Variants in RYR2 observed in about 807,000 individuals in gnomAD.
The protein encoded by RYR2 is ryanodine receptor 2.
RYR2 carries 227 observed loss-of-function variants against 601.1 expected under a neutral mutation model. The observed-to-expected ratio is 0.38, with a 90% confidence interval of 0.34 to 0.42. RYR2 has a LOEUF of 0.42. RYR2 is among the 10% of genes least tolerant of loss of function. The probability of loss-of-function intolerance (pLI) is 1.00; values close to 1 mark genes in which losing one functional copy is unlikely to be tolerated. For synonymous variants in RYR2, 2,223 were observed against 2,175.1 expected (o/e 1.02, Z -0.61); for missense variants, 4,646 against 6,156.5 (o/e 0.75, Z 8.21).
intron 1 of RYR2, among the ~76,000 whole-genome samples, chr1:237,137,016 C>CAAA (rs1167110660): frequency 4.2e-4 from 17 of 40,922 alleles, no homozygotes; most frequent in African/African-American, 5.6e-4. Flanking sequence ...GACTCCATCT[C>CAAA]AAAAAAAAAA....
At chr1:237,072,929 C>G (rs570373610) in intron 1 of RYR2, among the ~76,000 whole-genome samples, 2 of 125,362 alleles carry the variant, frequency 1.6e-5, no homozygotes, top group South Asian at 5.5e-4. Context: ...GCACGGGCGA[C>G]AGAGCGAGAC....
chr1:237,709,054 C>T lies in RYR2; in HGVS notation c.10098C>T (p.Leu3366=), dbSNP rs887367372. The T allele has an allele frequency of 1.9e-6, 3 of 1,607,836 alleles. No homozygotes were observed. Among genetic ancestry groups the T allele is most frequent in the Non-Finnish European group, 2.6e-6 (3 of 1,175,488 alleles). ...AGTTCACCACACTGGCCAGAGATCT[C>T]TATGCCTTCTACCCTCTCTTGATTA... ...LDEFTTLARD[L]YAFYPLLIRF... Residue 3366 remains leucine, a synonymous_variant, in exon 69 of 105, where the codon CTC becomes CTT. Coordinates refer to ENST00000366574, the MANE Select transcript of RYR2 (RefSeq NM_001035.3).
chr1:237,413,676 T>C (rs1704658749), intron 10 of RYR2, among the ~76,000 whole-genome samples: 1 of 152,148 alleles, frequency 6.6e-6, no homozygotes, highest in Admixed American at 6.5e-5. Context: ...TGTTCACATA[T>C]GTACATATAT....
chr1:237,763,757 C>G (rs1009949281), intron 84 of RYR2, among the ~76,000 whole-genome samples: 15 of 152,210 alleles, frequency 9.9e-5, no homozygotes, highest in African/African-American at 3.6e-4. Flanking sequence ...AAGGGCCACT[C>G]ATTAGCTCTA....
chr1:237,143,216 A>G (rs1197564437), intron 1 of RYR2, among the ~76,000 whole-genome samples: 1 of 152,212 alleles, frequency 6.6e-6, no homozygotes, highest in Non-Finnish European at 1.5e-5. Context: ...AAATTGAGTC[A>G]TTCCTTGAAA....
At chr1:237,284,080 T>G (rs1015209065) in intron 2 of RYR2, among the ~76,000 whole-genome samples, 16 of 152,270 alleles carry the variant, frequency 1.1e-4, no homozygotes, top group African/African-American at 1.9e-4. Flanking sequence ...TTACTTCACT[T>G]AGAATAATAG....
At chr1:237,558,062 A>C (rs1671082022) in intron 27 of RYR2, among the ~76,000 whole-genome samples, 1 of 152,216 alleles carries the variant, frequency 6.6e-6, no homozygotes. Context: ...TTGAAAGTAC[A>C]GTAAGAGGAG....
chr1:237,761,729 G>T (rs977026498), intron 84 of RYR2, among the ~76,000 whole-genome samples: 2 of 152,100 alleles, frequency 1.3e-5, no homozygotes, highest in African/African-American at 2.4e-5. Context: ...AAAATCTTCA[G>T]TAGTTTTTGG....
At chr1:237,759,962 C>G in intron 83 of RYR2, 110 bp downstream of exon 83, 1 of 735,852 alleles carries the variant, frequency 1.4e-6, no homozygotes, top group East Asian at 2.5e-5. Flanking sequence ...TAATGATTAA[C>G]AACACTTTAA....
At chr1:237,250,787 G>T (rs1687382928) in intron 1 of RYR2, among the ~76,000 whole-genome samples, 2 of 152,044 alleles carry the variant, frequency 1.3e-5, no homozygotes, top group African/African-American at 2.4e-5. Context: ...CTTCTTATTT[G>T]ATCTTTTCAG....
At chr1:237,367,082 GTTTTTGTT>G (rs2149741243) in intron 5 of RYR2, among the ~76,000 whole-genome samples, 1 of 146,846 alleles carries the variant, frequency 6.8e-6, no homozygotes, top group South Asian at 2.1e-4. Flanking sequence ...GTTTTGTTTT[GTTTTTGTT>G]TTTTTGTTTG....
At position 237,819,303 on chromosome 1, in the gene RYR2, A is replaced by G; in HGVS notation, c.14590+111A>G. 1 of 1,033,316 alleles carries G rather than the reference A, an allele frequency of 9.7e-7. No individual in the cohort carries two copies. Among genetic ancestry groups the G allele is most frequent in the Non-Finnish European group, 1.4e-6 (1 of 695,618 alleles). The allele number at this position is 1,033,316 out of a possible 1,614,324, so 64.0% of individuals were successfully genotyped here. On this transcript the variant is annotated intron_variant, in intron 101 of 104. Transcript: ENST00000366574. This position sits in a 1 kb window ranked among gnomAD's most constrained non-coding sequence, Gnocchi z 4.0. ...CGTCAAGTGTTTCCTGGCAAAGCCA[A>G]ATCAAACTTTTCCTTCCAGTATTTC...
rs1235557806 is a variant in RYR2 at position 237,790,798 on chromosome 1, A to G, written c.13477-631A>G. Among the ~76,000 whole-genome samples, 4 of 152,170 alleles carry G rather than the reference A, an allele frequency of 2.6e-5. No individual in the cohort carries two copies. In the East Asian group the frequency reaches 7.7e-4, roughly 29 times the overall value. On this transcript the variant is annotated intron_variant, in intron 92 of 104. Transcript: ENST00000366574. ...GGGAGGCAGGCTTCATATCCAGGCA[A>G]TGAGGCCTCGGAGGTTGTAAACTGA... is the stretch of plus-strand genomic sequence containing the variant.
chr1:237,176,836 G>GT (rs1393400416), intron 1 of RYR2, among the ~76,000 whole-genome samples: 1 of 152,166 alleles, frequency 6.6e-6, no homozygotes, highest in Non-Finnish European at 1.5e-5. Flanking sequence ...TGGTAAAGAC[G>GT]TTCTCTAAGT....
chr1:237,772,640 A>T (rs1442052061), intron 86 of RYR2, among the ~76,000 whole-genome samples: 2 of 152,212 alleles, frequency 1.3e-5, no homozygotes, highest in Non-Finnish European at 2.9e-5. Context: ...TTAAATAATG[A>T]GAGCCCTGTA....
At position 237,773,534 on chromosome 1, in the gene RYR2, C is replaced by T. The variant is rs759576710; in HGVS notation, c.11661C>T (p.Asp3887=). The change falls in exon 87 of 105, where the codon GAC becomes GAT. Residue 3887 remains aspartate (D), a synonymous_variant. Coordinates refer to ENST00000366574, the MANE Select transcript of RYR2 (RefSeq NM_001035.3). ...YLLRVQESIS[D]FYWYYSGKDV... ...CTATTTCCCAGGAATCAATTAGTGA[C>T]TTTTATTGGTATTACTCTGGGAAAG... 3.2e-6 allele frequency: 5 copies of T among 1,586,908 alleles called. No homozygotes were observed. The highest frequency in any genetic ancestry group is 3.5e-6 in the Non-Finnish European group (4 of 1,155,926).
chr1:237,429,045 C>A (rs1262574146), intron 12 of RYR2, among the ~76,000 whole-genome samples: 3 of 152,076 alleles, frequency 2.0e-5, no homozygotes, highest in Non-Finnish European at 4.4e-5. Flanking sequence ...TATTGCAGGG[C>A]TGACTTGAGC....
chr1:237,316,911 C>T (rs1419972910), intron 2 of RYR2, among the ~76,000 whole-genome samples: 2 of 152,156 alleles, frequency 1.3e-5, no homozygotes, highest in Non-Finnish European at 2.9e-5. Context: ...AACCAATTCA[C>T]TGTGCCAGAG....
At chr1:237,326,265 T>C (rs1019751797) in intron 2 of RYR2, among the ~76,000 whole-genome samples, 1 of 151,850 alleles carries the variant, frequency 6.6e-6, no homozygotes, top group Non-Finnish European at 1.5e-5. Flanking sequence ...TGGTGACCAG[T>C]TTGTATTTAA....
Sources: gnomAD v4.1 joint callset for allele counts (sites outside exome capture counted in the v4.1 genomes callset) on GRCh38, gnomAD v4.1.1 for gene constraint, Gnocchi (gnomAD v3.1) non-coding constraint, MANE v1.5 for transcripts, NCBI Gene and HGNC (gene_info 2026-07-23, HGNC 2026-07-21) for gene names.